The following MYO9A variants were observed in gnomAD, a reference collection of about 807,000 sequenced individuals.
MYO9A encodes myosin IXA, also known as unconventional myosin-IXa.
MYO9A carries 103 observed loss-of-function variants against 293.3 expected under a neutral mutation model. The ratio of observed to expected loss-of-function variants is 0.35; its 90% CI spans 0.30 to 0.41. The LOEUF (loss-of-function observed/expected upper bound fraction) is 0.41, where lower values mean the gene tolerates loss of function less well. MYO9A is among the 10% of genes least tolerant of loss of function. The pLI is 1.00. For missense variants in MYO9A, 2,685 were observed against 3,033.0 expected (o/e 0.89, Z 2.69); for synonymous variants, 1,001 against 1,035.7 (o/e 0.97, Z 0.64).
intron 13 of MYO9A, among the ~76,000 whole-genome samples, chr15:71,961,265 T>C (rs1457412247): frequency 6.6e-6 from 1 of 152,174 alleles, no homozygotes; most frequent in Non-Finnish European, 1.5e-5. Context: ...TAGGGTATGA[T>C]GAGAAAATGA....
rs567499921 is a variant in MYO9A at position 72,019,908 on chromosome 15, C to G, written c.1099-813G>C. Among the ~76,000 whole-genome samples, 25 of 152,242 alleles carry G rather than the reference C, an allele frequency of 1.6e-4. 2 individuals are homozygous for G. The South Asian group carries it at 4.8e-3, about 29-fold the overall frequency. ...GAGATTACAGGCGTGCCTCACCACA[C>G]CTAGCTAATTTTTTTGTGTTTTTAG... On this transcript the variant is annotated intron_variant, in intron 5 of 41. Transcript: ENST00000356056.
chr15:71,960,726 A>G lies in MYO9A; in HGVS notation c.1987-630T>C, dbSNP rs372469001. ...CTATAATACATGTAAGTTAGAATAA[A>G]TATTCTATAATTTTATAGCAGCTTG... On this transcript the variant is annotated intron_variant, in intron 13 of 41. Coordinates refer to ENST00000356056, the MANE Select transcript of MYO9A (RefSeq NM_006901.4). 3.5e-4 allele frequency among the ~76,000 whole-genome samples: 53 copies of G among 152,340 alleles called. No homozygotes were observed. In the South Asian group the frequency reaches 0.011, roughly 32 times the overall value.
intron 11 of MYO9A, 80 bp from the exon 12 acceptor site, chr15:71,978,372 C>T (rs1038256040): frequency 8.5e-7 from 1 of 1,179,334 alleles, no homozygotes; most frequent in African/African-American, 1.6e-5. Flanking sequence ...AAAGCTTTTA[C>T]CCTGCTTAAA....
At chr15:71,996,386 T>C (rs779037064) in intron 9 of MYO9A, among the ~76,000 whole-genome samples, 9 of 152,218 alleles carry the variant, frequency 5.9e-5, no homozygotes, top group Non-Finnish European at 1.2e-4. Context: ...ACCATAGTCA[T>C]AGAATCCAGA....
Position 71,859,751 on chromosome 15 carries a change from G to A in MYO9A, c.6137C>T (p.Ala2046Val). The A allele has an allele frequency of 6.2e-7, 1 of 1,612,878 alleles. No individual in the cohort carries two copies. Among genetic ancestry groups the A allele is most frequent in the Non-Finnish European group, 8.5e-7 (1 of 1,179,294 alleles). ...ATTTCTTACCTTTTTAGAGCACTTG[G>A]CTGTGGTTTTCAGACAGCACTTCTT... ...CHKKCCLKTT[A>V]KCSKKYDPEL... The change falls in exon 34 of 42, where the codon GCC (alanine) becomes GTC (valine). Residue 2046 changes from alanine to valine, a missense_variant. Physicochemically the swap from Ala to Val is moderately conservative, Grantham distance 64. Coordinates refer to ENST00000356056, the MANE Select transcript of MYO9A (RefSeq NM_006901.4).
intron 1 of MYO9A, among the ~76,000 whole-genome samples, chr15:72,052,217 C>A (rs910000829): frequency 6.6e-6 from 1 of 152,096 alleles, no homozygotes; most frequent in Non-Finnish European, 1.5e-5. Context: ...GAAGAGATAT[C>A]CAACTACCAG....
intron 4 of MYO9A, among the ~76,000 whole-genome samples, chr15:72,024,297 A>G (rs951512766): frequency 1.3e-5 from 2 of 152,190 alleles, no homozygotes; most frequent in East Asian, 3.9e-4. Context: ...TCATTGATTG[A>G]TTGATTGACA....
chr15:71,861,679 TAAAAAAAAA>T (rs66598621), intron 33 of MYO9A, among the ~76,000 whole-genome samples: 1 of 82,930 alleles, frequency 1.2e-5, no homozygotes, highest in African/African-American at 4.2e-5. Flanking sequence ...ACTGATGATA[TAAAAAAAAA>T]AAAAAAAAAA....
intron 27 of MYO9A, among the ~76,000 whole-genome samples, chr15:71,887,501 C>T (rs1453506080): frequency 3.3e-5 from 5 of 152,208 alleles, no homozygotes; most frequent in African/African-American, 1.2e-4. Flanking sequence ...CTAGAAATGA[C>T]ATCAGAGGAA....
At chr15:72,051,664 A>C (rs1405778352) in intron 1 of MYO9A, among the ~76,000 whole-genome samples, 3 of 152,180 alleles carry the variant, frequency 2.0e-5, no homozygotes, top group African/African-American at 7.2e-5. Flanking sequence ...GCACTGTCAC[A>C]GCCTGGCCAA....
chr15:71,956,834 TATACACAC>T (rs1377364078), intron 14 of MYO9A, among the ~76,000 whole-genome samples: 1 of 121,482 alleles, frequency 8.2e-6, no homozygotes, highest in Non-Finnish European at 1.7e-5. Context: ...GCTATATATA[TATACACAC>T]ACACACACAC....
intron 1 of MYO9A, among the ~76,000 whole-genome samples, chr15:72,075,234 G>C (rs1307936976): frequency 6.6e-6 from 1 of 151,696 alleles, no homozygotes; most frequent in Non-Finnish European, 1.5e-5. Context: ...CCAAAGTGCT[G>C]GGATTACAGG....
At chr15:72,038,219 G>C (rs940034400) in intron 2 of MYO9A, among the ~76,000 whole-genome samples, 7 of 152,136 alleles carry the variant, frequency 4.6e-5, no homozygotes, top group African/African-American at 1.7e-4. Context: ...CACCACACCT[G>C]GCCAAAATAC....
At chr15:71,949,715 C>A (rs542153086) in intron 15 of MYO9A, among the ~76,000 whole-genome samples, 1 of 149,874 alleles carries the variant, frequency 6.7e-6, no homozygotes, top group African/African-American at 2.5e-5. Context: ...TCACAGCAGT[C>A]GCCAGGGATA....
chr15:71,878,378 G>A, intron 30 of MYO9A, 147 bp from the exon 31 acceptor site: 1 of 505,984 alleles, frequency 2.0e-6, no homozygotes, highest in Non-Finnish European at 3.2e-6. Flanking sequence ...GAGGTCATGT[G>A]GTATTTGTAA....
At chr15:72,115,596 T>C (rs1162337307) in intron 1 of MYO9A, among the ~76,000 whole-genome samples, 1 of 152,242 alleles carries the variant, frequency 6.6e-6, no homozygotes, top group Non-Finnish European at 1.5e-5. Flanking sequence ...CTAATATTCC[T>C]GGCCTTTAGT....
intron 6 of MYO9A, among the ~76,000 whole-genome samples, chr15:72,017,368 A>T (rs1341533117): frequency 6.6e-6 from 1 of 152,154 alleles, no homozygotes; most frequent in Non-Finnish European, 1.5e-5. Context: ...ATCAGTTCAC[A>T]ACTTCACTGT....
intron 1 of MYO9A, among the ~76,000 whole-genome samples, chr15:72,058,449 A>G (rs933761754): frequency 1.3e-5 from 2 of 152,164 alleles, no homozygotes; most frequent in African/African-American, 4.8e-5. Flanking sequence ...TCAAGACCTA[A>G]AGAGCAAAAA....
intron 1 of MYO9A, among the ~76,000 whole-genome samples, chr15:72,097,903 C>T (rs763917099): frequency 9.9e-5 from 15 of 151,456 alleles, no homozygotes; most frequent in Non-Finnish European, 1.9e-4. Flanking sequence ...AGCGAGACTC[C>T]ATCTCAAAAA....
Sources: allele counts gnomAD v4.1 joint callset (sites outside exome capture counted in the v4.1 genomes callset), GRCh38; gene constraint gnomAD v4.1.1; transcripts MANE v1.5; gene names NCBI Gene and HGNC (gene_info 2026-07-23, HGNC 2026-07-21).